Variants in NDUFA10 observed in about 807,000 individuals in gnomAD.
NDUFA10 encodes NADH dehydrogenase [ubiquinone] 1 alpha subcomplex subunit 10, mitochondrial.
Under a neutral mutation model 47.8 loss-of-function variants are expected in NDUFA10, and 40 were observed. That is an observed-to-expected ratio of 0.84 (90% CI 0.65 to 1.09). The LOEUF is 1.09. Ranked by LOEUF, NDUFA10 falls within the 50% of genes least tolerant of loss-of-function variation. The pLI, the probability that NDUFA10 is intolerant of heterozygous loss-of-function variation, is 0.00. For missense variants in NDUFA10, 413 were observed against 451.1 expected (o/e 0.92, Z 0.76); for synonymous variants, 183 against 172.2 (o/e 1.06, Z -0.49).
chr2:239,940,057 C>G (rs1227708832), intron 4 of NDUFA10, among the ~76,000 whole-genome samples: 2 of 152,216 alleles, frequency 1.3e-5, no homozygotes, highest in African/African-American at 4.8e-5. Context: ...TCTGAGGAAC[C>G]CAGGCGGCTG....
At chr2:239,903,331 C>T (rs542582358) in intron 4 of NDUFA10, among the ~76,000 whole-genome samples, 3 of 152,306 alleles carry the variant, frequency 2.0e-5, no homozygotes, top group East Asian at 3.9e-4. Context: ...GAGCTCAGGG[C>T]GAGGAGGCTC....
chr2:239,896,306 C>G (rs1162516786), intron 4 of NDUFA10, among the ~76,000 whole-genome samples: 3 of 152,242 alleles, frequency 2.0e-5, no homozygotes, highest in Admixed American at 6.5e-5. Flanking sequence ...GCAAAGGTAT[C>G]AAGATTCAGG....
chr2:239,977,432 C>T (rs753215346), intron 9 of NDUFA10, among the ~76,000 whole-genome samples: 1 of 152,168 alleles, frequency 6.6e-6, no homozygotes, highest in Admixed American at 6.5e-5. Context: ...TGGGAAAGAG[C>T]AGGCTTCCCA....
At position 240,005,265 on chromosome 2, in the gene NDUFA10, C is replaced by T. The variant is rs867247521; in HGVS notation, c.835G>A (p.Asp279Asn). 3.7e-6 allele frequency: 6 copies of T among 1,614,040 alleles called. No homozygotes were observed. Among genetic ancestry groups the T allele is most frequent in the South Asian group, 1.1e-5 (1 of 91,070 alleles). Residue 279 changes from aspartate to asparagine, a missense_variant, in exon 8 of 10, where the codon GAT becomes AAT. Coordinates refer to ENST00000252711, the MANE Select transcript of NDUFA10 (RefSeq NM_004544.4). The part of the protein sequence containing the change: ...VVEDIEYLKF[D>N]KGPWLKQDNR... ...TCCTGCTTGAGCCACGGCCCTTTAT[C>T]GAACTTCAGGTATTCAATGTCCTCT...
intron 8 of NDUFA10, among the ~76,000 whole-genome samples, chr2:239,997,714 C>T (rs1032878515): frequency 2.6e-5 from 4 of 152,200 alleles, no homozygotes; most frequent in African/African-American, 9.6e-5. Context: ...GTAAATTATG[C>T]AGATTATGTA....
At chr2:240,011,394 A>T (rs897855356) in intron 6 of NDUFA10, among the ~76,000 whole-genome samples, 1 of 152,246 alleles carries the variant, frequency 6.6e-6, no homozygotes, top group Non-Finnish European at 1.5e-5. Context: ...TAGCAGAGCA[A>T]AAGTACTGAC....
Position 239,960,804 on chromosome 2 carries a change from C to T in NDUFA10, c.*314G>A, listed in dbSNP as rs924856078. ...AACAATGTGCACAACCTGAATGACA[C>T]AGAGCGGCAGCGCTGAAACCACAGG... On this transcript the variant is annotated 3_prime_UTR_variant, in exon 10 of 10. Transcript: ENST00000252711. The T allele has an allele frequency of 5.4e-6, 7 of 1,284,834 alleles. No homozygotes were observed. Among genetic ancestry groups the T allele is most frequent in the Admixed American group, 3.3e-5 (1 of 30,296 alleles). The allele number at this position is 1,284,834 out of a possible 1,614,324, so 79.6% of individuals were successfully genotyped here. A position where few individuals can be genotyped will look rare whatever the true frequency, so the allele number is the denominator to read the frequency against.
At chr2:239,938,897 G>A (rs1022609863) in intron 4 of NDUFA10, among the ~76,000 whole-genome samples, 13 of 152,232 alleles carry the variant, frequency 8.5e-5, no homozygotes, top group East Asian at 3.9e-4. Flanking sequence ...GAGGGTCAGC[G>A]GCCCCCGCGG....
intron 4 of NDUFA10, among the ~76,000 whole-genome samples, chr2:239,897,858 C>T (rs1014578279): frequency 1.3e-5 from 2 of 152,242 alleles, no homozygotes; most frequent in African/African-American, 4.8e-5. Context: ...CCTCTGCCAT[C>T]CCAGCCTCAG....
At chr2:239,943,459 CA>C (rs1559301241) in intron 4 of NDUFA10, among the ~76,000 whole-genome samples, 1 of 152,198 alleles carries the variant, frequency 6.6e-6, no homozygotes, top group Non-Finnish European at 1.5e-5. Flanking sequence ...CTCAGCCTCC[CA>C]AAGTGTTGGG....
intron 4 of NDUFA10, chr2:239,943,214 C>T (rs886883918): frequency 2.3e-4 from 35 of 154,436 alleles, no homozygotes; most frequent in Admixed American, 2.2e-3. Context: ...AGCACAGAGG[C>T]GGCCTGGGGC....
chr2:239,960,262 T>C lies in NDUFA10; in HGVS notation c.*856A>G. The C allele has an allele frequency of 2.0e-6, 2 of 985,686 alleles. No individual in the cohort carries two copies. Among genetic ancestry groups the C allele is most frequent in the Non-Finnish European group, 2.4e-6 (2 of 830,126 alleles). 61.1% of individuals were successfully genotyped at this position (985,686 alleles called of 1,614,324 possible). On this transcript the variant is annotated 3_prime_UTR_variant, in exon 10 of 10. Transcript: ENST00000252711. ...CAGCTTGATTCCTAAACCATGATGC[T>C]GAACCACAACCAGCTTGTTTTGGTT...
intron 8 of NDUFA10, among the ~76,000 whole-genome samples, chr2:239,993,050 T>C (rs1696317409): frequency 6.6e-6 from 1 of 152,016 alleles, no homozygotes; most frequent in Admixed American, 6.6e-5. Flanking sequence ...AAAGGCAAAA[T>C]ACCAGGAGAA....
At position 240,025,242 on chromosome 2, in the gene NDUFA10, C is replaced by A; in HGVS notation, c.60G>T (p.Ala20=). 6.8e-7 allele frequency: 1 copy of A among 1,473,852 alleles called. No homozygotes were observed. Among genetic ancestry groups the A allele is most frequent in the Non-Finnish European group, 9.0e-7 (1 of 1,116,230 alleles). The allele number at this position is 1,473,852 out of a possible 1,614,324, so 91.3% of individuals were successfully genotyped here. A position where few individuals can be genotyped will look rare whatever the true frequency, so the allele number is the denominator to read the frequency against. Residue 20 remains alanine, a synonymous_variant, in exon 1 of 10, where the codon GCG becomes GCT. Coordinates refer to ENST00000252711, the MANE Select transcript of NDUFA10 (RefSeq NM_004544.4). ...ATSASARVVA[A]GAQRVRGIHS... is the part of the protein sequence containing the mutation. ...GCCCGCTCACCACGCGCTGGGCGCC[C>A]GCCGCCACGACCCGGGCGGACGCGG...
intron 4 of NDUFA10, among the ~76,000 whole-genome samples, chr2:239,902,117 T>G (rs1395308579): frequency 6.6e-6 from 1 of 152,168 alleles, no homozygotes; most frequent in Admixed American, 6.5e-5. Flanking sequence ...GCAGGGAGAT[T>G]TACTCTCAAT....
At position 239,957,855 on chromosome 2, in the gene NDUFA10, C is replaced by T. The variant is rs1469181257; in HGVS notation, c.*3263G>A. The T allele has an allele frequency of 1.3e-5, 2 of 152,252 alleles. No individual in the cohort carries two copies. The highest frequency in any genetic ancestry group is 2.9e-5 in the Non-Finnish European group (2 of 68,056). 9.4% of individuals were successfully genotyped at this position (152,252 alleles called of 1,614,324 possible). On this transcript the variant is annotated 3_prime_UTR_variant, in exon 10 of 10. Coordinates refer to ENST00000252711, the MANE Select transcript of NDUFA10 (RefSeq NM_004544.4). ...ATGGGGAAGGACAGAAAGGCTGGGA[C>T]CCTCTGCTGAGAAGAGGCTCCTTTT...
At chr2:239,962,620 C>T (rs1694902109) in intron 9 of NDUFA10, among the ~76,000 whole-genome samples, 1 of 152,186 alleles carries the variant, frequency 6.6e-6, no homozygotes. Flanking sequence ...TTAGTTCATT[C>T]TTGCACTGCT....
intron 9 of NDUFA10, among the ~76,000 whole-genome samples, chr2:239,963,405 G>T (rs1301634308): frequency 6.6e-6 from 1 of 152,166 alleles, no homozygotes; most frequent in Non-Finnish European, 1.5e-5. Context: ...CAGGAAGACC[G>T]CAAGAGAGGG....
intron 9 of NDUFA10, among the ~76,000 whole-genome samples, chr2:239,961,788 G>T (rs1455317339): frequency 6.6e-6 from 1 of 152,222 alleles, no homozygotes; most frequent in South Asian, 2.1e-4. Context: ...GGGAGCCACT[G>T]AACATCCAGG....
Sources: allele counts gnomAD v4.1 joint callset (sites outside exome capture counted in the v4.1 genomes callset), GRCh38; gene constraint gnomAD v4.1.1; transcripts MANE v1.5; gene names NCBI Gene and HGNC (gene_info 2026-07-23, HGNC 2026-07-21).